The following CSMD3 variants were observed in gnomAD, a reference collection of about 807,000 sequenced individuals.
CSMD3 encodes the protein CUB and sushi domain-containing protein 3.
A neutral mutation model predicts 435.2 loss-of-function variants in CSMD3; 177 were observed. That is an observed-to-expected ratio of 0.41 (90% CI 0.36 to 0.46). The LOEUF (loss-of-function observed/expected upper bound fraction) is 0.46, where lower values mean the gene tolerates loss of function less well. Among genes scored for constraint, CSMD3 ranks in the 20% least tolerant of loss-of-function variants. The pLI is 0.34. For missense variants in CSMD3, 4,265 were observed against 4,504.6 expected (o/e 0.95, Z 1.52); for synonymous variants, 1,656 against 1,520.5 (o/e 1.09, Z -2.07).
chr8:113,069,827 C>T (rs1454082155), intron 5 of CSMD3, among the ~76,000 whole-genome samples: 1 of 152,074 alleles, frequency 6.6e-6, no homozygotes, highest in Non-Finnish European at 1.5e-5. Flanking sequence ...TTATGACTGT[C>T]TTGCTGTATC....
At chr8:113,134,803 C>T (rs1257821713) in intron 4 of CSMD3, among the ~76,000 whole-genome samples, 1 of 151,880 alleles carries the variant, frequency 6.6e-6, no homozygotes, top group Non-Finnish European at 1.5e-5. Flanking sequence ...TTATTTAACT[C>T]ATGATTCTGG....
At chr8:112,959,581 C>T (rs967524488) in intron 7 of CSMD3, among the ~76,000 whole-genome samples, 9 of 151,706 alleles carry the variant, frequency 5.9e-5, no homozygotes, top group Admixed American at 4.6e-4. Context: ...ATGCCTTTCT[C>T]GTCTTCTTTT....
At chr8:113,336,114 A>AC (rs931677245) in intron 1 of CSMD3, among the ~76,000 whole-genome samples, 30 of 151,696 alleles carry the variant, frequency 2.0e-4, no homozygotes, top group Admixed American at 1.8e-3. Flanking sequence ...TTTTTGGCCT[A>AC]CTTTCTTCCT....
intron 1 of CSMD3, among the ~76,000 whole-genome samples, chr8:113,324,146 C>G (rs2093967419): frequency 4.6e-5 from 7 of 152,050 alleles, no homozygotes; most frequent in Admixed American, 4.6e-4. Context: ...AAATTTGCAG[C>G]CTGACAATGT....
chr8:113,001,642 T>G (rs2085868001), intron 6 of CSMD3, among the ~76,000 whole-genome samples: 1 of 152,130 alleles, frequency 6.6e-6, no homozygotes, highest in Admixed American at 6.6e-5. Context: ...TTCTTTGGTC[T>G]GTTTAATGTG....
At chr8:113,088,809 A>G (rs1266206632) in intron 5 of CSMD3, among the ~76,000 whole-genome samples, 1 of 151,744 alleles carries the variant, frequency 6.6e-6, no homozygotes, top group South Asian at 2.1e-4. Flanking sequence ...ATGTATACAT[A>G]TGTAACTAAC....
chr8:112,868,161 C>CT, intron 10 of CSMD3, among the ~76,000 whole-genome samples: 1 of 152,092 alleles, frequency 6.6e-6, no homozygotes. Flanking sequence ...GTAGCACTGT[C>CT]TTTTTTCTCC....
At chr8:113,168,663 A>G (rs1475120119) in intron 4 of CSMD3, among the ~76,000 whole-genome samples, 1 of 151,894 alleles carries the variant, frequency 6.6e-6, no homozygotes, top group Non-Finnish European at 1.5e-5. Flanking sequence ...ATTTTGGCGA[A>G]GTACAATTTA....
chr8:112,947,824 G>C lies in CSMD3; in HGVS notation c.1474C>G (p.Pro492Ala), dbSNP rs759641145. Residue 492 changes from proline to alanine, a missense_variant, in exon 9 of 71, where the codon CCA becomes GCA. Coordinates refer to ENST00000297405, the MANE Select transcript of CSMD3 (RefSeq NM_198123.2). ...GATCCGATTCTCTTCCCATTTTCTG[G>C]TTCTCCTGGATCTGGGCATAAATTG... ...ASNLCPDPGE[P>A]ENGKRIGSDF... 6.6e-7 allele frequency: 1 copy of C among 1,521,820 alleles called. No homozygotes were observed. Among genetic ancestry groups the C allele is most frequent in the East Asian group, 2.3e-5 (1 of 44,186 alleles). The allele number at this position is 1,521,820 out of a possible 1,614,324, so 94.3% of individuals were successfully genotyped here. A position where few individuals can be genotyped will look rare whatever the true frequency, so the allele number is the denominator to read the frequency against.
At chr8:112,697,731 T>C (rs997107595) in intron 13 of CSMD3, among the ~76,000 whole-genome samples, 1 of 150,070 alleles carries the variant, frequency 6.7e-6, no homozygotes. Flanking sequence ...TAAAGTATAA[T>C]AAAAAAAAAT....
At chr8:113,423,965 T>C (rs2094621928) in intron 1 of CSMD3, among the ~76,000 whole-genome samples, 1 of 151,790 alleles carries the variant, frequency 6.6e-6, no homozygotes, top group Admixed American at 6.6e-5. Context: ...GATTTAGTAA[T>C]AGGAAAAAAA....
chr8:112,667,331 C>A (rs764527609), intron 16 of CSMD3, among the ~76,000 whole-genome samples: 6 of 152,084 alleles, frequency 3.9e-5, no homozygotes, highest in Non-Finnish European at 5.9e-5. Flanking sequence ...AAACTAGAAG[C>A]TAGAAGTATT....
chr8:112,254,390 GA>G, intron 62 of CSMD3, 64 bp from the exon 63 acceptor site: 1 of 1,109,912 alleles, frequency 9.0e-7, no homozygotes, highest in South Asian at 1.2e-5. Context: ...TTCTCTCACA[GA>G]AAACAATTTT....
At position 112,336,961 on chromosome 8, in the gene CSMD3, G is replaced by A. The variant is rs147736378; in HGVS notation, c.6842-132C>T. 1,727 of 777,596 alleles carry A rather than the reference G, an allele frequency of 2.2e-3. 26 individuals carry two copies. In the African/African-American group the frequency reaches 0.026, roughly 12 times the overall value. 48.2% of individuals were successfully genotyped at this position (777,596 alleles called of 1,614,324 possible). ...ATGCCTTGTTTTTACTTCAGTTGAG[G>A]TATGTATAATGAAGTTGGCAACAGT... On this transcript the variant is annotated intron_variant, in intron 43 of 70. Transcript: ENST00000297405.
chr8:112,612,615 A>T (rs1010656715), intron 22 of CSMD3, among the ~76,000 whole-genome samples: 18 of 151,918 alleles, frequency 1.2e-4, no homozygotes, highest in Admixed American at 5.9e-4. Flanking sequence ...TCTTCTGAGG[A>T]CATTTTCTTA....
intron 57 of CSMD3, among the ~76,000 whole-genome samples, chr8:112,288,639 T>C (rs551516868): frequency 6.6e-5 from 10 of 152,000 alleles, no homozygotes; most frequent in Non-Finnish European, 1.3e-4. Context: ...CAATATCTGG[T>C]TGATGGGTAA....
intron 22 of CSMD3, among the ~76,000 whole-genome samples, chr8:112,635,116 T>C (rs1359387284): frequency 6.6e-6 from 1 of 152,102 alleles, no homozygotes; most frequent in Non-Finnish European, 1.5e-5. Context: ...TAATTGATTT[T>C]ATAAACTAAG....
chr8:112,833,554 T>A (rs1290401640), intron 11 of CSMD3, among the ~76,000 whole-genome samples: 3 of 152,066 alleles, frequency 2.0e-5, no homozygotes, highest in African/African-American at 7.2e-5. Context: ...TTTTAGGTTC[T>A]TCCTTTCCAA....
chr8:113,318,785 G>GGTGTGTGTGTGTGTGTGTGT (rs2093928423), intron 1 of CSMD3, among the ~76,000 whole-genome samples: 1 of 49,976 alleles, frequency 2.0e-5, no homozygotes, highest in African/African-American at 7.7e-5. Context: ...GGCTGAATAA[G>GGTGTGTGTGTGTGTGTGTGT]ATGTGTGTGT....
Sources: allele counts gnomAD v4.1 joint callset (sites outside exome capture counted in the v4.1 genomes callset), GRCh38; gene constraint gnomAD v4.1.1; transcripts MANE v1.5; gene names NCBI Gene and HGNC (gene_info 2026-07-23, HGNC 2026-07-21).